The following THSD4 variants were observed in gnomAD, a reference collection of about 807,000 sequenced individuals.
THSD4 encodes the protein thrombospondin type-1 domain-containing protein 4.
A neutral mutation model predicts 119.0 loss-of-function variants in THSD4; 69 were observed. That is an observed-to-expected ratio of 0.58 (90% confidence interval 0.48 to 0.71). The LOEUF (loss-of-function observed/expected upper bound fraction) is 0.71, where lower values mean the gene tolerates loss of function less well. THSD4 is among the 30% of genes least tolerant of loss of function. The pLI is 0.00. For missense variants in THSD4, 1,393 were observed against 1,391.1 expected (o/e 1.00, Z -0.02); for synonymous variants, 524 against 540.4 (o/e 0.97, Z 0.42).
At chr15:71,409,359 G>A (rs757548572) in intron 6 of THSD4, among the ~76,000 whole-genome samples, 20 of 152,096 alleles carry the variant, frequency 1.3e-4, no homozygotes, top group African/African-American at 3.6e-4. Flanking sequence ...TAGTTCTAGC[G>A]CTTCAGAAAG....
chr15:71,283,116 C>T (rs549634103), intron 6 of THSD4, among the ~76,000 whole-genome samples: 6 of 152,132 alleles, frequency 3.9e-5, no homozygotes, highest in South Asian at 2.1e-4. Flanking sequence ...ACTACAGGCG[C>T]GTGCCACCAC....
At chr15:71,523,823 C>T (rs1432236116) in intron 7 of THSD4, among the ~76,000 whole-genome samples, 1 of 152,056 alleles carries the variant, frequency 6.6e-6, no homozygotes, top group African/African-American at 2.4e-5. Flanking sequence ...GCATATTTCC[C>T]CAAAATATGT....
intron 6 of THSD4, among the ~76,000 whole-genome samples, chr15:71,308,838 G>T (rs979862926): frequency 6.6e-6 from 1 of 152,168 alleles, no homozygotes; most frequent in African/African-American, 2.4e-5. Flanking sequence ...AGCAGCTGCA[G>T]CATTTTACAT....
intron 8 of THSD4, among the ~76,000 whole-genome samples, chr15:71,706,391 T>C (rs952146821): frequency 6.6e-5 from 10 of 152,136 alleles, no homozygotes; most frequent in African/African-American, 2.4e-4. Context: ...TTGGGACATG[T>C]TGAACTGGAG....
Position 71,315,266 on chromosome 15 carries a change from ACCATC to A in THSD4, c.1015+58554_1015+58558del, listed in dbSNP as rs141979546. Among the ~76,000 whole-genome samples the A allele has an allele frequency of 5.0e-3, 759 of 152,310 alleles. 11 individuals are homozygous for A. Among genetic ancestry groups the A allele is most frequent in the African/African-American group, 0.017 (703 of 41,550 alleles). On this transcript the variant is annotated intron_variant, in intron 6 of 17. Coordinates refer to ENST00000261862, the MANE Select transcript of THSD4 (RefSeq NM_024817.3). ...GCTGGCTCTAACTGTGCAACTGGTG[ACCATC>A]CCTGCCTTGGCTTTCAGCCAGTCTG...
chr15:71,666,959 T>A (rs1481877641), intron 8 of THSD4, among the ~76,000 whole-genome samples: 1 of 152,224 alleles, frequency 6.6e-6, no homozygotes, highest in Non-Finnish European at 1.5e-5. Flanking sequence ...CTCACCACAA[T>A]GCTTACTCTT....
chr15:71,761,406 A>G (rs1444381647), intron 15 of THSD4, among the ~76,000 whole-genome samples: 4 of 152,202 alleles, frequency 2.6e-5, no homozygotes, highest in Admixed American at 1.3e-4. Flanking sequence ...AGATGTTGAT[A>G]TTATCTGGAT....
At position 71,728,552 on chromosome 15, in the gene THSD4, T is replaced by G. The variant is rs1311543951; in HGVS notation, c.1361T>G (p.Leu454Arg). ...EMYKSNNYLA[L>R]RSRSGRSIIN... ...ACTGTCTGATTTTTCTCAACAGCCC[T>G]GAGAAGTCGTTCTGGACGCTCCATC... Residue 454 changes from leucine to arginine, a missense_variant, in exon 9 of 18, where the codon CTG becomes CGG. Physicochemically the swap from Leu to Arg is moderately radical, Grantham distance 102. Coordinates refer to ENST00000261862, the MANE Select transcript of THSD4 (RefSeq NM_024817.3). The G allele has an allele frequency of 1.2e-6, 2 of 1,614,050 alleles. No individual in the cohort carries two copies. The highest frequency in any genetic ancestry group is 1.3e-5 in the African/African-American group (1 of 75,034).
chr15:71,622,620 C>T (rs941509082), intron 7 of THSD4, among the ~76,000 whole-genome samples: 1 of 152,142 alleles, frequency 6.6e-6, no homozygotes, highest in African/African-American at 2.4e-5. Context: ...GATGTTCAAT[C>T]TACTTTTTAT....
chr15:71,696,480 G>A (rs57164772), intron 8 of THSD4, among the ~76,000 whole-genome samples: 15,509 of 152,102 alleles, frequency 0.1, 826 homozygotes, highest in South Asian at 0.18. Flanking sequence ...CCCACTAGGC[G>A]CCACCTCCCA....
intron 7 of THSD4, among the ~76,000 whole-genome samples, chr15:71,539,715 G>C (rs1188631704): frequency 6.6e-6 from 1 of 152,094 alleles, no homozygotes; most frequent in Non-Finnish European, 1.5e-5. Context: ...TCTGTTTTCT[G>C]GTATCTAAGA....
In THSD4 at chr15:71,486,611, G is replaced by GT. The variant is rs200120589; in HGVS notation, c.1152+74813dup. ...CTCCCTAATGCCAAGTTTCTTTTCT[G>GT]TTTTTTTTTTTTTTTTTTTTTTTTT... On this transcript the variant is annotated intron_variant, in intron 7 of 17. Coordinates refer to ENST00000261862, the MANE Select transcript of THSD4 (RefSeq NM_024817.3). 4.4e-4 allele frequency among the ~76,000 whole-genome samples: 58 copies of GT among 131,748 alleles called. 1 individual carries two copies. The highest frequency in any genetic ancestry group is 1.6e-3 in the African/African-American group (56 of 34,096). The allele number at this position is 131,748 out of a possible 152,430, so 86.4% of individuals were successfully genotyped here. A position where few individuals can be genotyped will look rare whatever the true frequency, so the allele number is the denominator to read the frequency against.
chr15:71,341,296 G>A, intron 6 of THSD4: 1 of 1,599,994 alleles, frequency 6.3e-7, no homozygotes. Flanking sequence ...GAGAGCTCAT[G>A]TATGGGTTAA....
intron 6 of THSD4, among the ~76,000 whole-genome samples, chr15:71,390,321 G>A (rs555348582): frequency 7.9e-5 from 12 of 152,192 alleles, no homozygotes; most frequent in Admixed American, 6.5e-4. Context: ...TGTTTTTGGC[G>A]AACGTCCATA....
At chr15:71,656,970 A>G (rs1042834291) in intron 7 of THSD4, among the ~76,000 whole-genome samples, 8 of 152,218 alleles carry the variant, frequency 5.3e-5, no homozygotes, top group Non-Finnish European at 1.0e-4. Flanking sequence ...CATCCTAAGC[A>G]TCTCTCAAAT....
intron 7 of THSD4, among the ~76,000 whole-genome samples, chr15:71,598,202 G>A (rs2049941252): frequency 6.6e-6 from 1 of 152,142 alleles, no homozygotes; most frequent in African/African-American, 2.4e-5. Flanking sequence ...CTAAGAATTG[G>A]TCAGGAAGAT....
intron 7 of THSD4, among the ~76,000 whole-genome samples, chr15:71,652,453 A>ATT (rs2051111620): frequency 6.6e-6 from 1 of 152,222 alleles, no homozygotes; most frequent in African/African-American, 2.4e-5. Context: ...CACTGTCAAA[A>ATT]GCTATTTCAG....
intron 6 of THSD4, among the ~76,000 whole-genome samples, chr15:71,308,504 T>TA (rs1460894740): frequency 6.6e-6 from 1 of 152,242 alleles, no homozygotes; most frequent in East Asian, 1.9e-4. Flanking sequence ...CTTTATTTTT[T>TA]ACTGAGGTAA....
At chr15:71,735,493 GCTCT>G (rs976700219) in intron 10 of THSD4, among the ~76,000 whole-genome samples, 1 of 146,016 alleles carries the variant, frequency 6.8e-6, no homozygotes, top group African/African-American at 2.5e-5. Context: ...TCTCTGTCTT[GCTCT>G]CTGTCTGTCC....
Sources: allele counts gnomAD v4.1 joint callset (sites outside exome capture counted in the v4.1 genomes callset), GRCh38; gene constraint gnomAD v4.1.1; transcripts MANE v1.5; gene names NCBI Gene and HGNC (gene_info 2026-07-23, HGNC 2026-07-21).